Variants in MACROD2 observed in about 807,000 individuals in gnomAD.
MACROD2 encodes the protein mono-ADP ribosylhydrolase 2.
MACROD2 carries 36 observed loss-of-function variants against 70.4 expected under a neutral mutation model. The observed-to-expected ratio is 0.51, with a 90% CI of 0.39 to 0.68. The LOEUF (loss-of-function observed/expected upper bound fraction) is 0.68, where lower values mean the gene tolerates loss of function less well. MACROD2 is among the 30% of genes least tolerant of loss of function. MACROD2 has a pLI of 0.00. For missense variants in MACROD2, 496 were observed against 538.4 expected (o/e 0.92, Z 0.78); for synonymous variants, 172 against 178.8 (o/e 0.96, Z 0.30).
chr20:14,264,011 ACACACACACACACAC>A (rs1365311014), intron 3 of MACROD2, among the ~76,000 whole-genome samples: 2 of 130,982 alleles, frequency 1.5e-5, no homozygotes, highest in Non-Finnish European at 3.5e-5. Context: ...ACACACACAC[ACACACACACACACAC>A]AACACAAGTG....
intron 7 of MACROD2, among the ~76,000 whole-genome samples, chr20:15,460,439 TG>T (rs1281712397): frequency 6.6e-6 from 1 of 152,154 alleles, no homozygotes; most frequent in Non-Finnish European, 1.5e-5. Flanking sequence ...ACAGAGGTCT[TG>T]GTCCCAGCTC....
At chr20:15,527,323 A>G (rs2047735366) in intron 8 of MACROD2, among the ~76,000 whole-genome samples, 1 of 152,340 alleles carries the variant, frequency 6.6e-6, no homozygotes, top group South Asian at 2.1e-4. Context: ...GTATTCAACT[A>G]TCTGTTCTAC....
intron 8 of MACROD2, among the ~76,000 whole-genome samples, chr20:15,792,383 C>A (rs1328110418): frequency 2.0e-5 from 3 of 151,580 alleles, no homozygotes; most frequent in Admixed American, 6.6e-5. Flanking sequence ...AAGTTACAAC[C>A]AACTAAAAAA....
intron 10 of MACROD2, among the ~76,000 whole-genome samples, chr20:15,932,951 G>GA (rs2065601474): frequency 6.6e-6 from 1 of 152,198 alleles, no homozygotes; most frequent in Non-Finnish European, 1.5e-5. Flanking sequence ...AGTCAAGGGA[G>GA]AAAAGTGGAC....
At chr20:14,584,958 A>G (rs1376020831) in intron 4 of MACROD2, among the ~76,000 whole-genome samples, 1 of 152,208 alleles carries the variant, frequency 6.6e-6, no homozygotes, top group Non-Finnish European at 1.5e-5. Flanking sequence ...GTATGATTCT[A>G]TGATTAGCAA....
intron 5 of MACROD2, among the ~76,000 whole-genome samples, chr20:14,786,627 G>A (rs991006509): frequency 6.6e-6 from 1 of 152,002 alleles, no homozygotes; most frequent in African/African-American, 2.4e-5. Flanking sequence ...GAGGTCCAAG[G>A]TTGAACTCCT....
chr20:16,035,215 A>T (rs1022813977), intron 15 of MACROD2, among the ~76,000 whole-genome samples: 1 of 142,528 alleles, frequency 7.0e-6, no homozygotes, highest in Non-Finnish European at 1.5e-5. Context: ...AATATTATAT[A>T]TTATATATAT....
chr20:15,291,747 C>A (rs2077543002), intron 6 of MACROD2, among the ~76,000 whole-genome samples: 1 of 152,082 alleles, frequency 6.6e-6, no homozygotes, highest in African/African-American at 2.4e-5. Flanking sequence ...CACAGCTGCA[C>A]CTGATATATA....
At chr20:14,111,822 G>A (rs2054454859) in intron 3 of MACROD2, among the ~76,000 whole-genome samples, 1 of 152,052 alleles carries the variant, frequency 6.6e-6, no homozygotes, top group African/African-American at 2.4e-5. Flanking sequence ...CCTAAAAATA[G>A]AGCTACCATC....
chr20:14,240,893 G>C (rs1478883727), intron 3 of MACROD2, among the ~76,000 whole-genome samples: 1 of 152,176 alleles, frequency 6.6e-6, no homozygotes, highest in South Asian at 2.1e-4. Context: ...CACTTTGGGA[G>C]GCCGAGGTGG....
At chr20:14,868,671 C>T (rs1384654091) in intron 5 of MACROD2, among the ~76,000 whole-genome samples, 4 of 152,088 alleles carry the variant, frequency 2.6e-5, no homozygotes, top group Non-Finnish European at 4.4e-5. Context: ...ACAAATGGAT[C>T]CTCAGTACCA....
chr20:15,647,730 T>TTTC (rs1210597221), intron 8 of MACROD2, among the ~76,000 whole-genome samples: 1 of 151,510 alleles, frequency 6.6e-6, no homozygotes, highest in Non-Finnish European at 1.5e-5. Flanking sequence ...TGATTTTTTT[T>TTTC]TTTTTTTGAG....
chr20:15,027,840 C>A (rs2075245491), intron 5 of MACROD2, among the ~76,000 whole-genome samples: 1 of 152,038 alleles, frequency 6.6e-6, no homozygotes, highest in South Asian at 2.1e-4. Flanking sequence ...ATTATGAATT[C>A]CCCCAACAAG....
intron 8 of MACROD2, among the ~76,000 whole-genome samples, chr20:15,850,768 G>C (rs1255816239): frequency 6.6e-6 from 1 of 152,154 alleles, no homozygotes; most frequent in Non-Finnish European, 1.5e-5. Flanking sequence ...AGAACTTTGA[G>C]AGACACGTTT....
At chr20:15,327,773 CTGAACCCCATCACTATCATGTGATGGA>C (rs1240750097) in intron 6 of MACROD2, among the ~76,000 whole-genome samples, 3 of 152,040 alleles carry the variant, frequency 2.0e-5, no homozygotes, top group South Asian at 2.1e-4. Context: ...GTAGTGTGTC[CTGAACCCCATCACTATCATGTGATGGA>C]TGATTGGGTT....
chr20:15,631,609 A>G (rs1257756642), intron 8 of MACROD2, among the ~76,000 whole-genome samples: 7 of 152,152 alleles, frequency 4.6e-5, no homozygotes, highest in Non-Finnish European at 8.8e-5. Context: ...CCATTACAGT[A>G]CTTTTTCCTT....
intron 5 of MACROD2, among the ~76,000 whole-genome samples, chr20:14,791,656 A>G (rs1202033770): frequency 1.3e-5 from 2 of 152,054 alleles, no homozygotes; most frequent in Non-Finnish European, 2.9e-5. Flanking sequence ...CATTATTTCC[A>G]TGATCCCCTC....
intron 3 of MACROD2, among the ~76,000 whole-genome samples, chr20:14,307,012 AACACACAC>A (rs3044626): frequency 0.029 from 4,341 of 148,282 alleles, 154 homozygotes; most frequent in African/African-American, 0.082. Context: ...ACTAAATGTA[AACACACAC>A]ACACACACAC....
At chr20:14,463,542 G>A (rs1026426995) in intron 3 of MACROD2, among the ~76,000 whole-genome samples, 3 of 152,026 alleles carry the variant, frequency 2.0e-5, no homozygotes, top group Non-Finnish European at 2.9e-5. Context: ...TCTCCTGCCT[G>A]ATTGCCCTGA....
Sources: gnomAD v4.1 joint callset for allele counts (sites outside exome capture counted in the v4.1 genomes callset) on GRCh38, gnomAD v4.1.1 for gene constraint, MANE v1.5 for transcripts, NCBI Gene and HGNC (gene_info 2026-07-23, HGNC 2026-07-21) for gene names.